Variants in RABGAP1 observed in about 807,000 individuals in gnomAD.
The protein encoded by RABGAP1 is RAB GTPase activating protein 1.
In RABGAP1, 23 loss-of-function variants were observed where a neutral mutation model predicts 137.6. The ratio of observed to expected loss-of-function variants is 0.17; its 90% CI spans 0.12 to 0.24. The LOEUF (loss-of-function observed/expected upper bound fraction) is 0.24, where lower values mean the gene tolerates loss of function less well. RABGAP1 is among the 10% of genes least tolerant of loss of function. The probability of loss-of-function intolerance (pLI) is 1.00; values close to 1 mark genes in which losing one functional copy is unlikely to be tolerated. For synonymous variants in RABGAP1, 451 were observed against 450.7 expected (o/e 1.00, Z -0.01); for missense variants, 906 against 1,275.8 (o/e 0.71, Z 4.42).
chr9:122,973,425 A>T (rs1051109320), intron 2 of RABGAP1, among the ~76,000 whole-genome samples: 1 of 151,854 alleles, frequency 6.6e-6, no homozygotes, highest in African/African-American at 2.4e-5. Flanking sequence ...TTTAGTAGAG[A>T]TGGGGTTTCA....
In RABGAP1 at chr9:122,986,284, A is replaced by G. The variant is rs763890251; in HGVS notation, c.455A>G (p.Tyr152Cys). The G allele has an allele frequency of 1.2e-6, 2 of 1,614,040 alleles. No individual in the cohort carries two copies. Among genetic ancestry groups the G allele is most frequent in the Admixed American group, 1.7e-5 (1 of 60,002 alleles). ...AGCGTAGTTTTCAGTAAACTGACTT[A>G]CTTAGGCTGTGCCTCGGTAAATGCT... ...EDSVVFSKLT[Y>C]LGCASVNAPR... is the part of the protein sequence containing the mutation. Residue 152 changes from tyrosine (Y) to cysteine (C), a missense_variant, in exon 4 of 26, where the codon TAC (tyrosine) becomes TGC (cysteine). Physicochemically the swap from Tyr to Cys is radical, Grantham distance 194 (BLOSUM62 -2). Around this residue, in one of 9 missense-constraint regions of RABGAP1, gnomAD observed 331 missense variants for 358.3 expected, o/e 0.92. Transcript: ENST00000373647.
At chr9:123,087,482 T>C (rs2034904701) in intron 19 of RABGAP1, among the ~76,000 whole-genome samples, 1 of 152,220 alleles carries the variant, frequency 6.6e-6, no homozygotes, top group Non-Finnish European at 1.5e-5. Context: ...TATTGATCTG[T>C]TAGGATTGTC....
At chr9:123,035,689 ATC>A in intron 13 of RABGAP1, 1 of 841,766 alleles carries the variant, frequency 1.2e-6, no homozygotes, top group Non-Finnish European at 1.8e-6. Flanking sequence ...TGTGTATTTT[ATC>A]TCTAAGTATT....
At chr9:123,056,617 G>A (rs1019681780) in intron 13 of RABGAP1, among the ~76,000 whole-genome samples, 2 of 151,404 alleles carry the variant, frequency 1.3e-5, no homozygotes, top group Non-Finnish European at 2.9e-5. Flanking sequence ...CCTAGGCAGA[G>A]GACCCTGCGG....
intron 13 of RABGAP1, among the ~76,000 whole-genome samples, chr9:123,051,742 CTATTTTATTT>C (rs66629098): frequency 0.23 from 32,629 of 140,002 alleles, 4,586 homozygotes; most frequent in East Asian, 0.63. Context: ...AAGAGAAAAG[CTATTTTATTT>C]TATTTTATTT....
At chr9:123,057,108 A>AC (rs1446444862) in intron 13 of RABGAP1, among the ~76,000 whole-genome samples, 8 of 128,580 alleles carry the variant, frequency 6.2e-5, no homozygotes, top group South Asian at 5.2e-4. Context: ...CGGGGGGCTG[A>AC]CCCCCCCACC....
chr9:122,959,364 CAAAAAA>C (rs33932737), intron 2 of RABGAP1, among the ~76,000 whole-genome samples: 25 of 107,740 alleles, frequency 2.3e-4, no homozygotes, highest in East Asian at 2.7e-4. Context: ...TGGGGCTTTA[CAAAAAA>C]AAAAAAAAAA....
chr9:122,939,494 T>G (rs1833453893), upstream of RABGAP1: 1 of 152,214 alleles, frequency 6.6e-6, no homozygotes. Flanking sequence ...AAAAATTTTT[T>G]TTAAATGCAA....
chr9:123,072,012 T>G (rs2034373028), intron 15 of RABGAP1, among the ~76,000 whole-genome samples: 1 of 152,100 alleles, frequency 6.6e-6, no homozygotes, highest in South Asian at 2.1e-4. Flanking sequence ...TATTCAAGGG[T>G]ATTAAGCCAT....
At chr9:123,024,790 G>T (rs773664276) in intron 13 of RABGAP1, among the ~76,000 whole-genome samples, 1 of 151,972 alleles carries the variant, frequency 6.6e-6, no homozygotes, top group Non-Finnish European at 1.5e-5. Flanking sequence ...TGAATGATTT[G>T]CTCTTCTATT....
intron 13 of RABGAP1, among the ~76,000 whole-genome samples, chr9:123,043,633 G>T (rs1309134626): frequency 6.6e-6 from 1 of 151,704 alleles, no homozygotes. Context: ...GGAAGTGTTT[G>T]GGGGGTGAGG....
At chr9:122,996,507 T>G (rs1369691680) in intron 7 of RABGAP1, 32 bp from the exon 8 acceptor site, 1 of 1,560,904 alleles carries the variant, frequency 6.4e-7, no homozygotes, top group Non-Finnish European at 8.7e-7. Flanking sequence ...GTTATCTTTT[T>G]TCTTAAATTT....
chr9:123,029,336 T>A, intron 13 of RABGAP1: 1 of 751,220 alleles, frequency 1.3e-6, no homozygotes, highest in Admixed American at 2.3e-5. Flanking sequence ...TTTTACTTAA[T>A]AAAGTTTTAT....
At chr9:123,004,325 C>T (rs377047465) in intron 10 of RABGAP1, among the ~76,000 whole-genome samples, 3 of 151,988 alleles carry the variant, frequency 2.0e-5, no homozygotes, top group Non-Finnish European at 4.4e-5. Flanking sequence ...CTTCACTCTG[C>T]AGCCCAGCCT....
At chr9:122,984,382 A>G (rs1217709731) in intron 2 of RABGAP1, 103 bp from the exon 3 acceptor site, 2 of 944,312 alleles carry the variant, frequency 2.1e-6, no homozygotes, top group Non-Finnish European at 3.2e-6. Context: ...ATATCTTTGT[A>G]TCAAAAGAAA....
intron 10 of RABGAP1, among the ~76,000 whole-genome samples, chr9:123,006,112 T>C (rs1166401504): frequency 1.3e-5 from 2 of 152,228 alleles, no homozygotes; most frequent in South Asian, 2.1e-4. Context: ...CTTGGAGATA[T>C]GATAGTCCTC....
chr9:123,073,679 T>TA lies in RABGAP1; in HGVS notation c.2109+7dup. 6.2e-7 allele frequency: 1 copy of TA among 1,613,644 alleles called. No individual in the cohort carries two copies. Among genetic ancestry groups the TA allele is most frequent in the Non-Finnish European group, 8.5e-7 (1 of 1,179,752 alleles). On this transcript the variant is annotated splice_region_variant and intron_variant, in intron 16 of 25. Transcript: ENST00000373647. ...TACCAGTTGGAGCGCCTCATGCAGG[T>TA]AAAAAGAGAAACCAGCTTGTGTTTG... is the stretch of plus-strand genomic sequence containing the variant.
At chr9:123,066,873 A>G (rs1354170251) in intron 14 of RABGAP1, among the ~76,000 whole-genome samples, 2 of 152,258 alleles carry the variant, frequency 1.3e-5, no homozygotes, top group East Asian at 1.9e-4. Flanking sequence ...ATTAATTAGT[A>G]TAATGATTAG....
At chr9:122,997,474 G>T in intron 9 of RABGAP1, 113 bp downstream of exon 9, 1 of 611,218 alleles carries the variant, frequency 1.6e-6, no homozygotes, top group South Asian at 3.7e-5. Flanking sequence ...TGATGAAACC[G>T]AAGAATTTGA....
Sources: allele counts gnomAD v4.1 joint callset (sites outside exome capture counted in the v4.1 genomes callset), GRCh38; gene constraint gnomAD v4.1.1; regional missense constraint gnomAD v4.1.1; transcripts MANE v1.5; gene names NCBI Gene and HGNC (gene_info 2026-07-23, HGNC 2026-07-21).